The following STXBP5L variants were observed in gnomAD, a reference collection of about 807,000 sequenced individuals.
The protein encoded by STXBP5L is syntaxin-binding protein 5-like.
In STXBP5L, 65 loss-of-function variants were observed where a neutral mutation model predicts 144.5. The observed-to-expected ratio is 0.45, with a 90% CI of 0.37 to 0.55. The LOEUF is 0.55. Among genes scored for constraint, STXBP5L ranks in the 20% least tolerant of loss-of-function variants. STXBP5L has a pLI of 0.00. For synonymous variants in STXBP5L, 505 were observed against 469.6 expected (o/e 1.08, Z -0.97); for missense variants, 1,298 against 1,405.5 (o/e 0.92, Z 1.22).
At chr3:121,148,204 A>G (rs2045791311) in intron 7 of STXBP5L, among the ~76,000 whole-genome samples, 1 of 152,158 alleles carries the variant, frequency 6.6e-6, no homozygotes, top group South Asian at 2.1e-4. Flanking sequence ...AATTTAGTAC[A>G]TTAACAAAAC....
intron 3 of STXBP5L, among the ~76,000 whole-genome samples, chr3:121,004,702 C>G (rs540280817): frequency 6.6e-6 from 1 of 152,008 alleles, no homozygotes; most frequent in Non-Finnish European, 1.5e-5. Context: ...ATAGATAGCT[C>G]TTCTTATTTT....
At chr3:121,100,581 G>T (rs768163004) in intron 5 of STXBP5L, among the ~76,000 whole-genome samples, 1 of 152,030 alleles carries the variant, frequency 6.6e-6, no homozygotes, top group Non-Finnish European at 1.5e-5. Flanking sequence ...AAATCTCTGG[G>T]ATGCAACAAA....
intron 19 of STXBP5L, among the ~76,000 whole-genome samples, chr3:121,300,477 C>A (rs553804133): frequency 6.6e-6 from 1 of 152,024 alleles, no homozygotes; most frequent in South Asian, 2.1e-4. Flanking sequence ...TGTATGATAA[C>A]AGTAACACAA....
At chr3:121,318,951 A>G (rs2043879107) in intron 20 of STXBP5L, among the ~76,000 whole-genome samples, 1 of 152,198 alleles carries the variant, frequency 6.6e-6, no homozygotes, top group Admixed American at 6.5e-5. Context: ...CAGTTTGGAA[A>G]CATGTATATT....
chr3:120,923,199 AT>A (rs370342369), intron 2 of STXBP5L, among the ~76,000 whole-genome samples: 9 of 150,476 alleles, frequency 6.0e-5, no homozygotes, highest in Admixed American at 1.3e-4. Context: ...TATGTCTCTA[AT>A]TTTTTTTGTT....
chr3:121,304,645 TA>T (rs1015134046), intron 19 of STXBP5L, among the ~76,000 whole-genome samples: 1 of 152,134 alleles, frequency 6.6e-6, no homozygotes, highest in African/African-American at 2.4e-5. Flanking sequence ...AAGGAAATTT[TA>T]AAATATTTTT....
At position 121,322,594 on chromosome 3, in the gene STXBP5L, C is replaced by T. The variant is rs369399060; in HGVS notation, c.2176+4054C>T. 7.3e-5 allele frequency among the ~76,000 whole-genome samples: 11 copies of T among 150,092 alleles called. No homozygotes were observed. The South Asian group carries it at 1.9e-3, about 26-fold the overall frequency. On this transcript the variant is annotated intron_variant, in intron 20 of 26. Coordinates refer to ENST00000471454, the MANE Select transcript of STXBP5L (RefSeq NM_001308330.2). The stretch of plus-strand genomic sequence containing the variant: ...GTTGATGGGCACCTGGTTAATTCCA[C>T]GTCTTTTCTATTGTGTATAGTGTTG...
chr3:120,916,092 A>G (rs918713245), intron 2 of STXBP5L, among the ~76,000 whole-genome samples: 1 of 152,210 alleles, frequency 6.6e-6, no homozygotes, highest in Non-Finnish European at 1.5e-5. Context: ...AAAATCACCT[A>G]TGATATATTC....
intron 5 of STXBP5L, among the ~76,000 whole-genome samples, chr3:121,061,349 A>T (rs2041267653): frequency 1.3e-5 from 2 of 152,046 alleles, no homozygotes; most frequent in Non-Finnish European, 2.9e-5. Context: ...GTTCGTTATG[A>T]TTTCTGTTCT....
At chr3:121,183,071 A>G (rs1450811874) in intron 9 of STXBP5L, among the ~76,000 whole-genome samples, 1 of 152,176 alleles carries the variant, frequency 6.6e-6, no homozygotes, top group Non-Finnish European at 1.5e-5. Context: ...GGTGGGGAAA[A>G]AGTACTTGAC....
chr3:121,169,558 T>C (rs922329305), intron 9 of STXBP5L, among the ~76,000 whole-genome samples: 1 of 152,106 alleles, frequency 6.6e-6, no homozygotes, highest in Non-Finnish European at 1.5e-5. Flanking sequence ...TAGTCTTTGA[T>C]AAAACAGACT....
intron 3 of STXBP5L, among the ~76,000 whole-genome samples, chr3:121,005,467 G>C (rs145579707): frequency 6.6e-6 from 1 of 151,938 alleles, no homozygotes; most frequent in East Asian, 1.9e-4. Flanking sequence ...TCATGCTAGC[G>C]GTCTATCAAT....
chr3:121,062,853 C>T (rs1391576985), intron 5 of STXBP5L, among the ~76,000 whole-genome samples: 1 of 152,166 alleles, frequency 6.6e-6, no homozygotes, highest in African/African-American at 2.4e-5. Context: ...TTTTCAGCTC[C>T]ATCAGGTCAT....
intron 19 of STXBP5L, among the ~76,000 whole-genome samples, chr3:121,307,747 G>A (rs56860492): frequency 0.019 from 2,897 of 151,588 alleles, 98 homozygotes; most frequent in African/African-American, 0.067. Flanking sequence ...AGAGAAGAAA[G>A]GAGAAAAATA....
chr3:121,408,821 C>T (rs1449167061), intron 23 of STXBP5L, among the ~76,000 whole-genome samples: 1 of 151,938 alleles, frequency 6.6e-6, no homozygotes, highest in East Asian at 1.9e-4. Flanking sequence ...GTAAGGGAAA[C>T]TTATTGAATG....
chr3:120,964,663 C>G (rs922425590), intron 3 of STXBP5L, among the ~76,000 whole-genome samples: 7 of 152,148 alleles, frequency 4.6e-5, no homozygotes, highest in African/African-American at 1.7e-4. Context: ...TGTTCTTTTA[C>G]AATTGCTGAG....
chr3:121,353,747 C>T (rs967645044), intron 20 of STXBP5L, among the ~76,000 whole-genome samples: 1 of 152,058 alleles, frequency 6.6e-6, no homozygotes, highest in Admixed American at 6.6e-5. Flanking sequence ...TTTCCTCTTG[C>T]TTCTCTAGCT....
chr3:121,205,146 T>C (rs2048289461), intron 9 of STXBP5L, among the ~76,000 whole-genome samples: 1 of 152,226 alleles, frequency 6.6e-6, no homozygotes, highest in East Asian at 1.9e-4. Context: ...GTATGGATTG[T>C]CATTGTTGTC....
intron 20 of STXBP5L, among the ~76,000 whole-genome samples, chr3:121,343,611 AACAG>A (rs1201178962): frequency 2.0e-5 from 3 of 151,974 alleles, no homozygotes; most frequent in African/African-American, 7.2e-5. Context: ...ATAACAGACA[AACAG>A]ACAGCCAAAT....
Sources: allele counts gnomAD v4.1 joint callset (sites outside exome capture counted in the v4.1 genomes callset), GRCh38; gene constraint gnomAD v4.1.1; transcripts MANE v1.5; gene names NCBI Gene and HGNC (gene_info 2026-07-23, HGNC 2026-07-21).